SAP30BP: variants seen among roughly 807,000 people sequenced by gnomAD.
SAP30BP encodes the protein SAP30 binding protein.
A neutral mutation model predicts 46.3 loss-of-function variants in SAP30BP; 31 were observed. That is an observed-to-expected ratio of 0.67 (90% CI 0.50 to 0.90). The LOEUF is 0.90. Ranked by LOEUF, SAP30BP falls within the 40% of genes least tolerant of loss-of-function variation. The probability of loss-of-function intolerance (pLI) is 0.00; values close to 1 mark genes in which losing one functional copy is unlikely to be tolerated. For missense variants in SAP30BP, 312 were observed against 391.0 expected, an observed-to-expected ratio of 0.80 and a Z score of 1.70; for synonymous variants, 169 against 144.2, an observed-to-expected ratio of 1.17 and a Z score of -1.23.
intron 7 of SAP30BP, 93 bp from the exon 8 acceptor site, chr17:75,703,715 C>T (rs924337798): frequency 8.6e-7 from 1 of 1,166,604 alleles, no homozygotes; most frequent in Non-Finnish European, 1.3e-6. Context: ...GGTAAGGGGA[C>T]CCCAGACCAA....
At chr17:75,700,145 A>G (rs1331505229) in intron 5 of SAP30BP, 2 of 250,870 alleles carry the variant, frequency 8.0e-6, no homozygotes, top group Non-Finnish European at 1.5e-5. Flanking sequence ...AGACAGAGAA[A>G]AGAACGTAAC....
At chr17:75,679,000 T>C (rs937355188) in intron 3 of SAP30BP, among the ~76,000 whole-genome samples, 1 of 150,604 alleles carries the variant, frequency 6.6e-6, no homozygotes, top group East Asian at 1.9e-4. Context: ...AGTTTTTTTT[T>C]TTTTTTTTTT....
chr17:75,697,830 G>A (rs1183147731), intron 4 of SAP30BP, among the ~76,000 whole-genome samples: 1 of 152,166 alleles, frequency 6.6e-6, no homozygotes, highest in Non-Finnish European at 1.5e-5. Flanking sequence ...GAAACTCCAG[G>A]CAGAGATCAA....
chr17:75,700,660 G>C (rs1345173943), intron 5 of SAP30BP, among the ~76,000 whole-genome samples: 1 of 152,188 alleles, frequency 6.6e-6, no homozygotes. Context: ...GCAGGACTGG[G>C]GGTGCAGCAC....
chr17:75,697,407 G>A (rs916734211), intron 4 of SAP30BP, among the ~76,000 whole-genome samples: 1 of 152,198 alleles, frequency 6.6e-6, no homozygotes, highest in Non-Finnish European at 1.5e-5. Flanking sequence ...GAAGAAGGAG[G>A]AAGTTAGAGG....
intron 3 of SAP30BP, among the ~76,000 whole-genome samples, chr17:75,680,964 G>A (rs1478047140): frequency 6.6e-6 from 1 of 151,684 alleles, no homozygotes; most frequent in Non-Finnish European, 1.5e-5. Flanking sequence ...ATCCTGGGAG[G>A]CAGAGGTTGC....
chr17:75,669,175 G>GC (rs1406510265), intron 2 of SAP30BP, among the ~76,000 whole-genome samples: 1 of 151,854 alleles, frequency 6.6e-6, no homozygotes, highest in African/African-American at 2.4e-5. Flanking sequence ...ACTCCTGGGC[G>GC]CAAGTGATCC....
At chr17:75,699,236 C>T (rs1475958064) in intron 4 of SAP30BP, among the ~76,000 whole-genome samples, 2 of 152,256 alleles carry the variant, frequency 1.3e-5, no homozygotes, top group Middle Eastern at 3.4e-3. Context: ...AAGAGTCTTA[C>T]TTTGTCACCC....
At chr17:75,679,251 C>A (rs1359710080) in intron 3 of SAP30BP, among the ~76,000 whole-genome samples, 1 of 152,110 alleles carries the variant, frequency 6.6e-6, no homozygotes, top group East Asian at 1.9e-4. Context: ...CTGCCTCGGC[C>A]TCCCAAAGTG....
At chr17:75,689,426 G>A (rs1599138134) in intron 3 of SAP30BP, among the ~76,000 whole-genome samples, 1 of 152,206 alleles carries the variant, frequency 6.6e-6, no homozygotes, top group East Asian at 1.9e-4. Context: ...TTGAATGAGG[G>A]GGCTGAAGAG....
At chr17:75,705,046 C>G (rs1004521683) in intron 9 of SAP30BP, 2 of 516,990 alleles carry the variant, frequency 3.9e-6, no homozygotes, top group Non-Finnish European at 7.0e-6. Context: ...GCCCCCCTTT[C>G]CTCCCCGCCA....
At chr17:75,693,129 A>C in intron 3 of SAP30BP, 1 of 317,412 alleles carries the variant, frequency 3.2e-6, no homozygotes, top group Non-Finnish European at 6.0e-6. Flanking sequence ...CAGGCAGGGT[A>C]TACGTTGCCC....
intron 4 of SAP30BP, among the ~76,000 whole-genome samples, chr17:75,699,007 C>T (rs866491959): frequency 8.5e-5 from 13 of 152,124 alleles, no homozygotes; most frequent in African/African-American, 3.1e-4. Flanking sequence ...GCCTGGGCAA[C>T]ATAACGAGAC....
At chr17:75,705,647 C>T (rs781144298) in intron 9 of SAP30BP, 223 of 1,076,952 alleles carry the variant, frequency 2.1e-4, no homozygotes, top group Admixed American at 2.9e-4. Context: ...GCCTGGGGAC[C>T]GGAGCTGTCC....
chr17:75,672,958 G>A (rs1464799270), intron 3 of SAP30BP, among the ~76,000 whole-genome samples: 1 of 148,646 alleles, frequency 6.7e-6, no homozygotes, highest in Non-Finnish European at 1.5e-5. Flanking sequence ...ATGAGAATCT[G>A]TCTCAAAAAA....
At chr17:75,692,568 GGGAA>G in intron 3 of SAP30BP, 2 of 952,466 alleles carry the variant, frequency 2.1e-6, no homozygotes, top group Non-Finnish European at 2.5e-6. Context: ...ATGGAGGCAA[GGGAA>G]GACTTGTGAC....
rs567517888 is a variant in SAP30BP at position 75,694,385 on chromosome 17, A to G, written c.307+903A>G. Among the ~76,000 whole-genome samples the G allele has an allele frequency of 1.2e-4, 18 of 152,188 alleles. No homozygotes were observed. The South Asian group carries it at 3.3e-3, about 28-fold the overall frequency. ...AAAGGAGCTAGGAATCGTTCATTCT[A>G]TTTGTCTTTTGAAGAAGGATTGGGT... On this transcript the variant is annotated intron_variant, in intron 4 of 10. Coordinates refer to ENST00000584667, the MANE Select transcript of SAP30BP (RefSeq NM_013260.8).
intron 3 of SAP30BP, among the ~76,000 whole-genome samples, chr17:75,674,503 C>T (rs2059954224): frequency 6.6e-6 from 1 of 151,660 alleles, no homozygotes; most frequent in African/African-American, 2.4e-5. Context: ...ACCATGTTGG[C>T]CAGGCTGGTC....
rs2060432663 is a variant in SAP30BP at position 75,702,741 on chromosome 17, G to A, written c.488+170G>A. ...GGCGGACTGTGCTAACCCAGCCAGA[G>A]GCTTGCCATTTAAGATCCAGAAAAA... On this transcript the variant is annotated intron_variant, in intron 6 of 10. Coordinates refer to ENST00000584667, the MANE Select transcript of SAP30BP (RefSeq NM_013260.8). The A allele has an allele frequency of 9.0e-6, 4 of 445,062 alleles. No homozygotes were observed. The South Asian group carries it at 1.4e-4, about 16-fold the overall frequency. 27.6% of individuals were successfully genotyped at this position (445,062 alleles called of 1,614,324 possible).
Sources: gnomAD v4.1 joint callset for allele counts (sites outside exome capture counted in the v4.1 genomes callset) on GRCh38, gnomAD v4.1.1 for gene constraint, MANE v1.5 for transcripts, NCBI Gene and HGNC (gene_info 2026-07-23, HGNC 2026-07-21) for gene names.